ABL1: variants seen among roughly 807,000 people sequenced by gnomAD.
ABL1 encodes ABL proto-oncogene 1, non-receptor tyrosine kinase.
A neutral mutation model predicts 94.7 loss-of-function variants in ABL1; 11 were observed. That is an observed-to-expected ratio of 0.12 (90% CI 0.07 to 0.19). The LOEUF (loss-of-function observed/expected upper bound fraction) is 0.19. ABL1 is among the 10% of genes least tolerant of loss of function. The pLI is 1.00. For synonymous variants in ABL1, 656 were observed against 622.4 expected (o/e 1.05, Z -0.80); for missense variants, 1,082 against 1,489.4 (o/e 0.73, Z 4.50).
At chr9:130,762,708 G>A (rs934572828) in intron 1 of ABL1, among the ~76,000 whole-genome samples, 12 of 151,948 alleles carry the variant, frequency 7.9e-5, no homozygotes, top group African/African-American at 2.4e-4. Context: ...TCAGGAGATC[G>A]AGACCATCCT....
intron 1 of ABL1, among the ~76,000 whole-genome samples, chr9:130,808,214 TTTCTTCTTCTTCTTCTTC>T (rs372530078): frequency 7.0e-6 from 1 of 143,012 alleles, no homozygotes; most frequent in East Asian, 2.0e-4. Context: ...CCTAATTTCT[TTTCTTCTTCTTCTTCTTC>T]TTCTTCTTCT....
chr9:130,855,497 A>G (rs978855201), intron 3 of ABL1, among the ~76,000 whole-genome samples: 1 of 152,190 alleles, frequency 6.6e-6, no homozygotes, highest in African/African-American at 2.4e-5. Context: ...CCACTTTACT[A>G]TCCCCTCCCC....
At chr9:130,724,747 T>TAA (rs34124679) in intron 1 of ABL1, 5,540 of 308,470 alleles carry the variant, frequency 0.018, 3 homozygotes, top group South Asian at 0.029. Flanking sequence ...ACCCTGTCTT[T>TAA]AAAAAAAAAA....
intron 1 of ABL1, among the ~76,000 whole-genome samples, chr9:130,805,306 C>T (rs1830110457): frequency 6.6e-6 from 1 of 152,184 alleles, no homozygotes; most frequent in Non-Finnish European, 1.5e-5. Context: ...TCTCGAACTC[C>T]TGACCTCGTG....
At chr9:130,811,535 C>T (rs1483725700) in intron 1 of ABL1, among the ~76,000 whole-genome samples, 4 of 152,062 alleles carry the variant, frequency 2.6e-5, no homozygotes, top group Non-Finnish European at 2.9e-5. Flanking sequence ...TTTTACACTA[C>T]ATGTGAAGTT....
At chr9:130,721,555 A>G (rs2132675343) in intron 1 of ABL1, among the ~76,000 whole-genome samples, 1 of 152,146 alleles carries the variant, frequency 6.6e-6, no homozygotes, top group South Asian at 2.1e-4. Context: ...CTAACAGTAC[A>G]AAAAATTAGC....
At chr9:130,764,810 G>T (rs1028641759) in intron 1 of ABL1, among the ~76,000 whole-genome samples, 3 of 152,122 alleles carry the variant, frequency 2.0e-5, no homozygotes, top group African/African-American at 7.2e-5. Context: ...ACAAAAATTA[G>T]CTGGGCGTGG....
At chr9:130,797,225 G>A (rs1439402485) in intron 1 of ABL1, among the ~76,000 whole-genome samples, 1 of 104,440 alleles carries the variant, frequency 9.6e-6, no homozygotes, top group East Asian at 3.3e-4. Flanking sequence ...GACAGAGTGA[G>A]ACTCCATCTC....
chr9:130,742,617 TAAAG>T (rs1007065286), intron 1 of ABL1, among the ~76,000 whole-genome samples: 8 of 152,216 alleles, frequency 5.3e-5, no homozygotes, highest in Admixed American at 2.6e-4. Flanking sequence ...AATTTGGTAA[TAAAG>T]AGCCTTTATT....
In ABL1 at chr9:130,884,655, A is replaced by G; in HGVS notation, c.2365A>G (p.Lys789Glu). The change falls in exon 11 of 11, where the codon AAG (lysine) becomes GAG (glutamate). Residue 789 changes from lysine (K) to glutamate (E), a missense_variant. This residue lies in a region of ABL1 where 780 missense variants were observed against 835.8 expected (regional missense o/e 0.93). Coordinates refer to ENST00000318560, the MANE Select transcript of ABL1 (RefSeq NM_005157.6). This position sits in a 1 kb window ranked among gnomAD's most constrained non-coding sequence, Gnocchi z 5.6. ...AACGCCTCCCCCCAGGCTGGTGAAA[A>G]AGAATGAGGAAGCTGCTGATGAGGT... ...TVTPPPRLVK[K>E]NEEAADEVFK... 1.2e-6 allele frequency: 2 copies of G among 1,613,184 alleles called. No homozygotes were observed. The highest frequency in any genetic ancestry group is 1.7e-6 in the Non-Finnish European group (2 of 1,179,982).
chr9:130,883,830 GTT>G, intron 10 of ABL1, 137 bp from the exon 11 acceptor site: 1 of 1,107,150 alleles, frequency 9.0e-7, no homozygotes, highest in Non-Finnish European at 1.3e-6. Flanking sequence ...TTGTTTGTTT[GTT>G]TGTTTTGAGA....
intron 10 of ABL1, 121 bp from the exon 11 acceptor site, chr9:130,883,848 T>G: frequency 1.6e-6 from 2 of 1,224,308 alleles, no homozygotes; most frequent in Non-Finnish European, 2.3e-6. Flanking sequence ...TGAGATGGAG[T>G]CTCACTCTGT....
At position 130,862,801 on chromosome 9, in the gene ABL1, C is replaced by A. The variant is rs146008880; in HGVS notation, c.588C>A (p.Ala196=). ...CCGAGAGCCGCTTCAACACCCTGGCCGAGTTGGTTCATCATCATTCAACGG... is the reference window on the plus strand; with the variant it reads ...CCGAGAGCCGCTTCAACACCCTGGCAGAGTTGGTTCATCATCATTCAACGG... ...VSSESRFNTL[A]ELVHHHSTVA... Residue 196 remains alanine, a synonymous_variant, in exon 4 of 11, where the codon GCC becomes GCA. Coordinates refer to ENST00000318560, the MANE Select transcript of ABL1 (RefSeq NM_005157.6). This position sits in a 1 kb window ranked among gnomAD's most constrained non-coding sequence, Gnocchi z 5.5. The A allele has an allele frequency of 1.9e-6, 3 of 1,613,888 alleles. No individual in the cohort carries two copies. Among genetic ancestry groups the A allele is most frequent in the African/African-American group, 2.7e-5 (2 of 74,866 alleles).
In ABL1 at chr9:130,854,095, T is replaced by A. The variant is rs1830934296; in HGVS notation, c.111T>A (p.Phe37Leu). The change falls in exon 2 of 11, where the codon TTT becomes TTA. Residue 37 changes from phenylalanine to leucine, a missense_variant. By Grantham distance (22) the Phe-to-Leu change is conservative. Around this residue, in one of 7 missense-constraint regions of ABL1, gnomAD observed 65 missense variants for 80.8 expected, o/e 0.80. Coordinates refer to ENST00000318560, the MANE Select transcript of ABL1 (RefSeq NM_005157.6). ...EALQRPVASD[F>L]EPQGLSEAAR... ...TTCAGCGGCCAGTAGCATCTGACTT[T>A]GAGCCTCAGGGTCTGAGTGAAGCCG... 1.2e-6 allele frequency: 2 copies of A among 1,614,022 alleles called. No individual in the cohort carries two copies. Among genetic ancestry groups the A allele is most frequent in the Admixed American group, 3.3e-5 (2 of 59,986 alleles).
At chr9:130,833,069 G>T (rs574002076), upstream of ABL1, among the ~76,000 whole-genome samples, 6 of 126,246 alleles carry the variant, frequency 4.8e-5, no homozygotes, top group South Asian at 1.5e-3. Flanking sequence ...TTAGACTCAA[G>T]AGCAGAATAT....
intron 1 of ABL1, among the ~76,000 whole-genome samples, chr9:130,787,006 A>G (rs1414632808): frequency 6.6e-6 from 1 of 152,112 alleles, no homozygotes; most frequent in Non-Finnish European, 1.5e-5. Flanking sequence ...TTTTTGTTGC[A>G]TTGATCTCTT....
intron 1 of ABL1, among the ~76,000 whole-genome samples, chr9:130,747,029 C>T (rs978319715): frequency 1.3e-5 from 2 of 152,126 alleles, no homozygotes; most frequent in Non-Finnish European, 2.9e-5. Context: ...TTGTATCACT[C>T]TGACCCCTTG....
intron 1 of ABL1, among the ~76,000 whole-genome samples, chr9:130,727,032 T>C (rs1373049854): frequency 6.6e-6 from 1 of 152,250 alleles, no homozygotes; most frequent in African/African-American, 2.4e-5. Flanking sequence ...TTCTGTAGAA[T>C]TTCAGTCTTC....
intron 1 of ABL1, among the ~76,000 whole-genome samples, chr9:130,797,526 C>T (rs537548058): frequency 6.6e-5 from 10 of 152,164 alleles, no homozygotes; most frequent in East Asian, 5.8e-4. Context: ...AGGCGTGTGC[C>T]GCCATGCTTA....
Sources: gnomAD v4.1 joint callset for allele counts (sites outside exome capture counted in the v4.1 genomes callset) on GRCh38, gnomAD v4.1.1 for gene constraint, gnomAD v4.1.1 regional missense constraint, Gnocchi (gnomAD v3.1) non-coding constraint, MANE v1.5 for transcripts, NCBI Gene and HGNC (gene_info 2026-07-23, HGNC 2026-07-21) for gene names.